The following FARP1 variants were observed in gnomAD, a reference collection of about 807,000 sequenced individuals.
The protein encoded by FARP1 is FERM, ARH/RhoGEF and pleckstrin domain protein 1.
A neutral mutation model predicts 128.8 loss-of-function variants in FARP1; 52 were observed. That is an observed-to-expected ratio of 0.40 (90% CI 0.32 to 0.51). The LOEUF (loss-of-function observed/expected upper bound fraction) is 0.51. FARP1 is among the 20% of genes least tolerant of loss of function. The pLI is 0.45. For missense variants in FARP1, 1,333 were observed against 1,367.9 expected, an observed-to-expected ratio of 0.97 and a Z score of 0.40; for synonymous variants, 580 against 551.8, an observed-to-expected ratio of 1.05 and a Z score of -0.72.
intron 9 of FARP1, among the ~76,000 whole-genome samples, 192 bp downstream of exon 9, chr13:98,388,670 T>G (rs1890191373): frequency 6.6e-6 from 1 of 152,212 alleles, no homozygotes; most frequent in Non-Finnish European, 1.5e-5. Flanking sequence ...ACGGCTGTCA[T>G]CGTTGGTAAA....
rs369784514 is a variant in FARP1, at chr13:98,174,476, C to T, written c.-24+30984C>T. 6.6e-5 allele frequency among the ~76,000 whole-genome samples: 10 copies of T among 152,274 alleles called. No individual in the cohort carries two copies. In the South Asian group the frequency reaches 1.7e-3, roughly 25 times the overall value. On this transcript the variant is annotated intron_variant, in intron 1 of 26. Transcript: ENST00000319562. ...AAAGTTTCATATTTCTTCTTTTGTG[C>T]AGATTCCAAATGTTTTTGGAAGGCT...
chr13:98,367,460 T>C (rs7982410), intron 4 of FARP1, among the ~76,000 whole-genome samples: 27,561 of 151,802 alleles, frequency 0.18, 2,695 homozygotes, highest in East Asian at 0.35. Flanking sequence ...CAGATTATTA[T>C]TTTATAATCT....
chr13:98,417,457 A>AGGG (rs1891424580), intron 16 of FARP1, among the ~76,000 whole-genome samples: 4 of 63,482 alleles, frequency 6.3e-5, no homozygotes, highest in African/African-American at 2.4e-4. Context: ...AGAGGTTTGA[A>AGGG]AAAAAAAAAA....
chr13:98,176,589 G>A lies in FARP1; in HGVS notation c.-24+33097G>A, dbSNP rs750110782. On this transcript the variant is annotated intron_variant, in intron 1 of 26. Coordinates refer to ENST00000319562, the MANE Select transcript of FARP1 (RefSeq NM_005766.4). This position sits in a 1 kb window ranked among gnomAD's most constrained non-coding sequence, Gnocchi z 6.2. ...CCCACCCGAGCTTGTAATCGGAACG[G>A]TCGTGGAGGAATTTGCAGCTGTCCC... The A allele has an allele frequency of 6.2e-6, 10 of 1,614,102 alleles. No individual in the cohort carries two copies. Among genetic ancestry groups the A allele is most frequent in the Non-Finnish European group, 8.5e-6 (10 of 1,180,052 alleles).
chr13:98,417,611 G>A (rs1891437141), intron 16 of FARP1, among the ~76,000 whole-genome samples: 1 of 152,156 alleles, frequency 6.6e-6, no homozygotes, highest in South Asian at 2.1e-4. Context: ...AGGAAGTCCT[G>A]CAGGGGTAAG....
At chr13:98,378,789 G>A (rs1889699493) in intron 6 of FARP1, among the ~76,000 whole-genome samples, 1 of 148,838 alleles carries the variant, frequency 6.7e-6, no homozygotes, top group African/African-American at 2.5e-5. Flanking sequence ...TTGAATATGA[G>A]CACTTATTAG....
At chr13:98,369,489 A>G (rs1040477947) in intron 5 of FARP1, among the ~76,000 whole-genome samples, 43 of 151,534 alleles carry the variant, frequency 2.8e-4, no homozygotes, top group Non-Finnish European at 5.0e-4. Flanking sequence ...AGCATTAGGT[A>G]TATCTCCTAA....
At position 98,176,330 on chromosome 13, in the gene FARP1, G is replaced by C; in HGVS notation, c.-24+32838G>C. ...AGTTTCGCCATCAGTTCTTTGGCGG[G>C]GTTAAAGATGCCGCCGGTTGGCTGG... On this transcript the variant is annotated intron_variant, in intron 1 of 26. Coordinates refer to ENST00000319562, the MANE Select transcript of FARP1 (RefSeq NM_005766.4). This position sits in a 1 kb window ranked among gnomAD's most constrained non-coding sequence, Gnocchi z 6.2. 2 of 1,613,986 alleles carry C rather than the reference G, an allele frequency of 1.2e-6. No homozygotes were observed. Among genetic ancestry groups the C allele is most frequent in the Non-Finnish European group, 1.7e-6 (2 of 1,179,836 alleles).
intron 13 of FARP1, among the ~76,000 whole-genome samples, chr13:98,408,734 T>C (rs1891074394): frequency 6.6e-6 from 1 of 152,232 alleles, no homozygotes; most frequent in African/African-American, 2.4e-5. Context: ...TGCTTTTGCA[T>C]GTTGAAGTGA....
chr13:98,295,030 TTA>T (rs202091098), intron 2 of FARP1, among the ~76,000 whole-genome samples: 11 of 87,694 alleles, frequency 1.3e-4, no homozygotes, highest in African/African-American at 3.3e-4. Context: ...AAAAAAAAAA[TTA>T]TATATATATA....
At chr13:98,173,779 C>A (rs1877806270) in intron 1 of FARP1, among the ~76,000 whole-genome samples, 3 of 152,148 alleles carry the variant, frequency 2.0e-5, no homozygotes, top group African/African-American at 7.2e-5. Context: ...GGGACCTGGT[C>A]CAGACAGGAT....
rs377208570 is a variant in FARP1, at chr13:98,347,155, A to G, written c.276+3289A>G. Among the ~76,000 whole-genome samples, 41 of 152,310 alleles carry G rather than the reference A, an allele frequency of 2.7e-4. No homozygotes were observed. In the South Asian group the frequency reaches 8.1e-3, roughly 30 times the overall value. On this transcript the variant is annotated intron_variant, in intron 3 of 26. Coordinates refer to ENST00000319562, the MANE Select transcript of FARP1 (RefSeq NM_005766.4). ...TCTGCCCCAGACACAGTTGCTTGAC[A>G]ATGTCTCTTAGCGTGCAACCCAGTG...
chr13:98,439,244 A>G (rs1673395158), intron 21 of FARP1, 48 bp downstream of exon 21: 1 of 1,361,150 alleles, frequency 7.3e-7, no homozygotes, highest in Admixed American at 1.9e-5. Flanking sequence ...CGGGGGCAGC[A>G]GGTGCGGGCG....
chr13:98,292,650 CATTGT>C (rs1237874985), intron 2 of FARP1, among the ~76,000 whole-genome samples: 2 of 152,194 alleles, frequency 1.3e-5, no homozygotes, highest in Admixed American at 6.5e-5. Context: ...CCTGGTAGAA[CATTGT>C]ATTGGGCAGT....
chr13:98,419,242 G>A (rs1237776988), intron 16 of FARP1, among the ~76,000 whole-genome samples: 1 of 152,156 alleles, frequency 6.6e-6, no homozygotes, highest in Non-Finnish European at 1.5e-5. Context: ...GGGAGGCCGA[G>A]GTGGGTGGAT....
rs372871241 is a variant in FARP1, at chr13:98,363,067, G to T, written c.277-2328G>T. 5.9e-5 allele frequency among the ~76,000 whole-genome samples: 9 copies of T among 152,270 alleles called. No homozygotes were observed. In the South Asian group the frequency reaches 1.9e-3, roughly 32 times the overall value. On this transcript the variant is annotated intron_variant, in intron 3 of 26. Transcript: ENST00000319562. ...CTTGCTCCTTCTAACCTGTTCTCACGCTGCCAGACTCATCTTTTAAAAATA... is the reference window on the plus strand; with the variant it reads ...CTTGCTCCTTCTAACCTGTTCTCACTCTGCCAGACTCATCTTTTAAAAATA...
intron 2 of FARP1, among the ~76,000 whole-genome samples, chr13:98,336,427 G>A (rs1252080826): frequency 3.1e-4 from 47 of 152,124 alleles, no homozygotes; most frequent in Admixed American, 1.1e-3. Context: ...GCGCCACCAC[G>A]CCCAGATAAT....
At chr13:98,362,573 C>G (rs988441784) in intron 3 of FARP1, among the ~76,000 whole-genome samples, 1 of 152,162 alleles carries the variant, frequency 6.6e-6, no homozygotes, top group Non-Finnish European at 1.5e-5. Flanking sequence ...ACATATTGGC[C>G]AACGCTCATG....
intron 2 of FARP1, chr13:98,332,375 A>C (rs2139832136): frequency 6.6e-6 from 1 of 152,364 alleles, no homozygotes; most frequent in East Asian, 1.9e-4. Flanking sequence ...TCAAAGGAGA[A>C]TAAATACCAA....
Sources: allele counts gnomAD v4.1 joint callset (sites outside exome capture counted in the v4.1 genomes callset), GRCh38; gene constraint gnomAD v4.1.1; non-coding constraint Gnocchi (gnomAD v3.1); transcripts MANE v1.5; gene names NCBI Gene and HGNC (gene_info 2026-07-23, HGNC 2026-07-21).